ADAMTS6: variants seen among roughly 807,000 people sequenced by gnomAD.
The protein encoded by ADAMTS6 is ADAM metallopeptidase with thrombospondin type 1 motif 6.
In ADAMTS6, 23 loss-of-function variants were observed where a neutral mutation model predicts 144.3. The ratio of observed to expected loss-of-function variants is 0.16; its 90% CI spans 0.11 to 0.23. The LOEUF (loss-of-function observed/expected upper bound fraction) is 0.23. ADAMTS6 is among the 10% of genes least tolerant of loss of function. The pLI is 1.00. For synonymous variants in ADAMTS6, 444 were observed against 457.5 expected (o/e 0.97, Z 0.38); for missense variants, 999 against 1,379.6 (o/e 0.72, Z 4.37).
intron 6 of ADAMTS6, 54 bp downstream of exon 6, chr5:65,452,079 A>T: frequency 7.9e-7 from 1 of 1,270,566 alleles, no homozygotes; most frequent in Non-Finnish European, 1.1e-6. Context: ...GTAATTCTAT[A>T]GCTCTATAGC....
At chr5:65,207,275 C>G (rs780970659) in intron 20 of ADAMTS6, among the ~76,000 whole-genome samples, 8 of 151,738 alleles carry the variant, frequency 5.3e-5, no homozygotes, top group Non-Finnish European at 8.8e-5. Flanking sequence ...AAAGAAAAAT[C>G]TAGGAAAAAA....
At position 65,236,705 on chromosome 5, in the gene ADAMTS6, C is replaced by T. The variant is rs576137183; in HGVS notation, c.1933+5399G>A. 2.2e-4 allele frequency among the ~76,000 whole-genome samples: 34 copies of T among 151,686 alleles called. 1 individual carries two copies. The South Asian group carries it at 6.7e-3, about 30-fold the overall frequency. On this transcript the variant is annotated intron_variant, in intron 15 of 24. Transcript: ENST00000381055. ...AGTAACCCAGAGGTCAAAGAACTCA[C>T]AATGTAAATAAAATAGTTTGAACTA...
At chr5:65,451,197 A>C in intron 7 of ADAMTS6, 1 of 272,922 alleles carries the variant, frequency 3.7e-6, no homozygotes, top group Non-Finnish European at 6.8e-6. Flanking sequence ...AATCATCTAC[A>C]TGCTTTTGAT....
intron 11 of ADAMTS6, among the ~76,000 whole-genome samples, chr5:65,281,746 T>A (rs922812058): frequency 6.6e-6 from 1 of 152,076 alleles, no homozygotes; most frequent in Non-Finnish European, 1.5e-5. Flanking sequence ...TAGAAAACAG[T>A]TTTATGGTAA....
At chr5:65,263,259 T>C (rs563080083) in intron 12 of ADAMTS6, among the ~76,000 whole-genome samples, 1 of 152,310 alleles carries the variant, frequency 6.6e-6, no homozygotes, top group South Asian at 2.1e-4. Context: ...TTTCTCATTA[T>C]AGAGCTAGCT....
chr5:65,385,095 C>G (rs1344342295), intron 7 of ADAMTS6, among the ~76,000 whole-genome samples: 3 of 152,172 alleles, frequency 2.0e-5, no homozygotes, highest in Non-Finnish European at 4.4e-5. Flanking sequence ...GTCTCCACCT[C>G]TTAATACCAT....
chr5:65,311,776 T>C (rs1237218908), intron 9 of ADAMTS6, among the ~76,000 whole-genome samples: 1 of 152,080 alleles, frequency 6.6e-6, no homozygotes, highest in Admixed American at 6.5e-5. Context: ...AGAGCAAACA[T>C]AGCCTACTGA....
At chr5:65,467,438 G>T (rs1323403870) in intron 3 of ADAMTS6, among the ~76,000 whole-genome samples, 2 of 152,042 alleles carry the variant, frequency 1.3e-5, no homozygotes, top group African/African-American at 2.4e-5. Context: ...TGCTTTCACT[G>T]AGGGAAATTT....
chr5:65,458,068 G>C (rs1224949462), intron 4 of ADAMTS6, among the ~76,000 whole-genome samples: 1 of 151,880 alleles, frequency 6.6e-6, no homozygotes, highest in African/African-American at 2.4e-5. Flanking sequence ...TATACTTACA[G>C]TCTAAATGTT....
chr5:65,288,376 G>A (rs998033565), intron 11 of ADAMTS6, among the ~76,000 whole-genome samples: 6 of 148,716 alleles, frequency 4.0e-5, no homozygotes, highest in Non-Finnish European at 5.9e-5. Flanking sequence ...CTGGAGTGCA[G>A]TGGCACTATC....
chr5:65,192,221 C>G (rs1371200298), intron 21 of ADAMTS6, among the ~76,000 whole-genome samples: 1 of 131,244 alleles, frequency 7.6e-6, no homozygotes, highest in African/African-American at 2.6e-5. Flanking sequence ...TTTCCTTCAG[C>G]ACTTTTGCTT....
intron 9 of ADAMTS6, among the ~76,000 whole-genome samples, chr5:65,315,906 G>C (rs948366757): frequency 7.0e-6 from 1 of 143,182 alleles, no homozygotes; most frequent in Non-Finnish European, 1.6e-5. Flanking sequence ...ATTATAGTTA[G>C]AAACATTTTT....
chr5:65,456,057 C>T (rs1759169157), intron 4 of ADAMTS6, among the ~76,000 whole-genome samples: 1 of 151,134 alleles, frequency 6.6e-6, no homozygotes, highest in African/African-American at 2.4e-5. Context: ...TACACATATA[C>T]TGAATAAAAT....
At chr5:65,388,421 C>T (rs1752649115) in intron 7 of ADAMTS6, among the ~76,000 whole-genome samples, 1 of 152,148 alleles carries the variant, frequency 6.6e-6, no homozygotes, top group Admixed American at 6.5e-5. Flanking sequence ...CCTCAGCCTA[C>T]ACTCAGTTGA....
chr5:65,229,771 G>A (rs1268734106), intron 15 of ADAMTS6, among the ~76,000 whole-genome samples: 2 of 152,044 alleles, frequency 1.3e-5, no homozygotes, highest in Non-Finnish European at 2.9e-5. Flanking sequence ...GGATTTATGG[G>A]ACATCACCAA....
chr5:65,253,117 G>A (rs1489508134), intron 14 of ADAMTS6, among the ~76,000 whole-genome samples: 2 of 151,796 alleles, frequency 1.3e-5, no homozygotes, highest in Non-Finnish European at 2.9e-5. Flanking sequence ...CAAACTCCCG[G>A]GCTCAAGCGA....
At chr5:65,391,364 A>G (rs1010495931) in intron 7 of ADAMTS6, among the ~76,000 whole-genome samples, 6 of 152,106 alleles carry the variant, frequency 3.9e-5, no homozygotes, top group African/African-American at 1.4e-4. Context: ...AGACTTATCT[A>G]TTGATACTGC....
intron 9 of ADAMTS6, among the ~76,000 whole-genome samples, chr5:65,322,912 C>T (rs143136165): frequency 1.9e-4 from 29 of 152,220 alleles, no homozygotes; most frequent in African/African-American, 6.0e-4. Context: ...ACTTCCAATA[C>T]TAAGCTAAAC....
intron 7 of ADAMTS6, among the ~76,000 whole-genome samples, chr5:65,398,848 GAAAA>G (rs774079614): frequency 7.1e-5 from 10 of 141,830 alleles, no homozygotes; most frequent in East Asian, 4.4e-4. Flanking sequence ...AAGAAAGAAA[GAAAA>G]AGAAAGAGAA....
Sources: allele counts gnomAD v4.1 joint callset (sites outside exome capture counted in the v4.1 genomes callset), GRCh38; gene constraint gnomAD v4.1.1; transcripts MANE v1.5; gene names NCBI Gene and HGNC (gene_info 2026-07-23, HGNC 2026-07-21).